Variants in FAM107B observed in about 807,000 individuals in gnomAD.
The protein encoded by FAM107B is protein FAM107B.
A neutral mutation model predicts 31.5 loss-of-function variants in FAM107B; 21 were observed. The ratio of observed to expected loss-of-function variants is 0.67; its 90% CI spans 0.47 to 0.96. FAM107B has a LOEUF of 0.96. FAM107B is among the 40% of genes least tolerant of loss of function. FAM107B has a pLI of 0.00. For synonymous variants in FAM107B, 157 were observed against 141.5 expected, an observed-to-expected ratio of 1.11 and a Z score of -0.78; for missense variants, 452 against 377.1, an observed-to-expected ratio of 1.20 and a Z score of -1.64.
chr10:14,562,512 A>G (rs1273944360), intron 2 of FAM107B, among the ~76,000 whole-genome samples: 1 of 152,246 alleles, frequency 6.6e-6, no homozygotes, highest in Non-Finnish European at 1.5e-5. Context: ...TATCAACTAT[A>G]TCATAAGAAA....
intron 2 of FAM107B, among the ~76,000 whole-genome samples, chr10:14,620,670 A>G (rs1031951231): frequency 1.1e-4 from 16 of 152,170 alleles, no homozygotes; most frequent in African/African-American, 3.6e-4. Flanking sequence ...TCCTAATGCT[A>G]TCCCTCTCCC....
chr10:14,544,067 G>A lies in FAM107B; in HGVS notation c.470-13552C>T, dbSNP rs79892060. On this transcript the variant is annotated intron_variant, in intron 2 of 4. Transcript: ENST00000181796. ...CAAGCTGTATCCACCCTCACTCCAG[G>A]CACCCCGAGGAGAGACTCAACTGCT... is the stretch of plus-strand genomic sequence containing the variant. 8.7e-3 allele frequency among the ~76,000 whole-genome samples: 1,322 copies of A among 152,198 alleles called. 17 individuals are homozygous for A. The highest frequency in any genetic ancestry group is 0.03 in the African/African-American group (1,260 of 41,504).
intron 2 of FAM107B, among the ~76,000 whole-genome samples, chr10:14,592,992 A>C (rs1852069541): frequency 6.6e-6 from 1 of 152,212 alleles, no homozygotes; most frequent in African/African-American, 2.4e-5. Flanking sequence ...GGAATTGCCC[A>C]ACAAATATGG....
intron 2 of FAM107B, among the ~76,000 whole-genome samples, chr10:14,631,692 C>T (rs1284706983): frequency 6.6e-6 from 1 of 152,146 alleles, no homozygotes; most frequent in Non-Finnish European, 1.5e-5. Flanking sequence ...TGGGTCCCCA[C>T]CCCGGCAACT....
At chr10:14,525,150 A>G (rs1207280688) in intron 3 of FAM107B, among the ~76,000 whole-genome samples, 1 of 152,254 alleles carries the variant, frequency 6.6e-6, no homozygotes, top group Non-Finnish European at 1.5e-5. Flanking sequence ...AATGGAACAG[A>G]GATAGTGTCG....
intron 1 of FAM107B, among the ~76,000 whole-genome samples, chr10:14,722,032 T>C (rs1167233202): frequency 6.6e-6 from 1 of 152,252 alleles, no homozygotes; most frequent in Admixed American, 6.5e-5. Context: ...ATTTATTAAA[T>C]AGGGAATATA....
chr10:14,690,744 G>C (rs895326083), intron 1 of FAM107B, among the ~76,000 whole-genome samples: 2 of 150,126 alleles, frequency 1.3e-5, no homozygotes, highest in East Asian at 2.0e-4. Context: ...GAGCCACCAC[G>C]CCCGGCCAAC....
At chr10:14,613,990 G>A (rs1341932079) in intron 2 of FAM107B, among the ~76,000 whole-genome samples, 1 of 152,068 alleles carries the variant, frequency 6.6e-6, no homozygotes, top group East Asian at 1.9e-4. Flanking sequence ...AATTAGTCAG[G>A]AGTGTTGGCG....
Position 14,519,055 on chromosome 10 carries a change from T to C in FAM107B, c.*2135A>G, listed in dbSNP as rs1845387286. 6.6e-6 allele frequency: 1 copy of C among 152,446 alleles called. No individual in the cohort carries two copies. 9.4% of individuals were successfully genotyped at this position (152,446 alleles called of 1,614,324 possible). On this transcript the variant is annotated 3_prime_UTR_variant, in exon 5 of 5. Coordinates refer to ENST00000181796, the MANE Select transcript of FAM107B (RefSeq NM_031453.4). Reference sequence around the variant, plus strand: ...CCACCGTTTAGCATAAGACACCACTTTACGCTATTTACAAGTCTCCTTTTG... The same window carrying C: ...CCACCGTTTAGCATAAGACACCACTCTACGCTATTTACAAGTCTCCTTTTG...
intron 2 of FAM107B, among the ~76,000 whole-genome samples, chr10:14,604,656 G>A (rs1397361596): frequency 6.6e-6 from 1 of 152,020 alleles, no homozygotes; most frequent in Admixed American, 6.5e-5. Flanking sequence ...CCGGATGACC[G>A]GGAAAGTGGG....
intron 2 of FAM107B, among the ~76,000 whole-genome samples, chr10:14,639,122 A>C (rs2131429704): frequency 6.6e-6 from 1 of 152,254 alleles, no homozygotes; most frequent in Non-Finnish European, 1.5e-5. Flanking sequence ...TGAGCCTGAG[A>C]GGTCAAGGAT....
chr10:14,746,236 T>C (rs1185987472), intron 1 of FAM107B, among the ~76,000 whole-genome samples: 3 of 152,200 alleles, frequency 2.0e-5, no homozygotes, highest in African/African-American at 7.2e-5. Flanking sequence ...CAATGGGTTT[T>C]GACTCTTTAG....
At chr10:14,579,207 A>C (rs1014804547) in intron 2 of FAM107B, among the ~76,000 whole-genome samples, 4 of 152,306 alleles carry the variant, frequency 2.6e-5, no homozygotes, top group Admixed American at 2.0e-4. Flanking sequence ...AATTTTTTTA[A>C]ATGTAAGCTT....
intron 2 of FAM107B, among the ~76,000 whole-genome samples, chr10:14,658,395 C>A (rs1244412082): frequency 6.6e-6 from 1 of 152,192 alleles, no homozygotes; most frequent in Non-Finnish European, 1.5e-5. Flanking sequence ...ATCTTGAAGG[C>A]AAGACCCATG....
At chr10:14,773,820 T>TC (rs1564299594) in intron 1 of FAM107B, among the ~76,000 whole-genome samples, 5 of 152,246 alleles carry the variant, frequency 3.3e-5, no homozygotes, top group Non-Finnish European at 7.3e-5. Flanking sequence ...TGATTCATTT[T>TC]AAGTAGAGGC....
intron 1 of FAM107B, among the ~76,000 whole-genome samples, chr10:14,708,309 G>A (rs1855566665): frequency 6.6e-6 from 1 of 151,966 alleles, no homozygotes; most frequent in Admixed American, 6.6e-5. Context: ...TCAAACTCCT[G>A]ACCTTAGGTG....
chr10:14,568,328 A>G (rs1295996165), intron 2 of FAM107B, among the ~76,000 whole-genome samples: 1 of 152,266 alleles, frequency 6.6e-6, no homozygotes, highest in African/African-American at 2.4e-5. Context: ...CAGGAGGTGA[A>G]GATACTGGGG....
At chr10:14,559,099 CA>C (rs745765049) in intron 2 of FAM107B, among the ~76,000 whole-genome samples, 17,508 of 88,056 alleles carry the variant, frequency 0.2, 961 homozygotes, top group Middle Eastern at 0.32. Flanking sequence ...TGTGGAACTT[CA>C]AAAAAAAAAA....
At chr10:14,540,492 G>A (rs138045322) in intron 2 of FAM107B, among the ~76,000 whole-genome samples, 196 of 152,286 alleles carry the variant, frequency 1.3e-3, no homozygotes, top group African/African-American at 4.6e-3. Flanking sequence ...GTCTGGGGCT[G>A]GTATTTCCTT....
Sources: allele counts gnomAD v4.1 joint callset (sites outside exome capture counted in the v4.1 genomes callset), GRCh38; gene constraint gnomAD v4.1.1; transcripts MANE v1.5; gene names NCBI Gene and HGNC (gene_info 2026-07-23, HGNC 2026-07-21).